Variants in RNF220 observed in about 807,000 individuals in gnomAD.
RNF220 encodes the protein E3 ubiquitin-protein ligase RNF220.
RNF220 carries 7 observed loss-of-function variants against 67.1 expected under a neutral mutation model. The observed-to-expected ratio is 0.10, with a 90% CI of 0.06 to 0.20. RNF220 has a LOEUF of 0.20. Among genes scored for constraint, RNF220 ranks in the 10% least tolerant of loss-of-function variants. RNF220 has a pLI of 1.00. For synonymous variants in RNF220, 270 were observed against 283.2 expected (o/e 0.95, Z 0.47); for missense variants, 565 against 740.3 (o/e 0.76, Z 2.75).
chr1:44,424,083 AG>A, intron 2 of RNF220: 1 of 928,956 alleles, frequency 1.1e-6, no homozygotes, highest in Non-Finnish European at 1.3e-6. Flanking sequence ...GCTGTTTGCA[AG>A]GGAATCAAAG....
intron 2 of RNF220, among the ~76,000 whole-genome samples, chr1:44,468,992 C>T (rs1476326746): frequency 2.0e-5 from 3 of 151,808 alleles, no homozygotes; most frequent in Non-Finnish European, 2.9e-5. Flanking sequence ...AAACATATTA[C>T]AACATAATAT....
chr1:44,466,086 C>G (rs1654249446), intron 2 of RNF220, among the ~76,000 whole-genome samples: 1 of 152,178 alleles, frequency 6.6e-6, no homozygotes, highest in Non-Finnish European at 1.5e-5. Context: ...AGTCAGTCCT[C>G]TCAATCTCTG....
intron 2 of RNF220, among the ~76,000 whole-genome samples, chr1:44,514,826 G>A (rs1034853794): frequency 6.6e-6 from 1 of 152,230 alleles, no homozygotes; most frequent in African/African-American, 2.4e-5. Flanking sequence ...TAGAGGTTCT[G>A]AAGTTCATGC....
Position 44,622,878 on chromosome 1 carries a change from T to C in RNF220, c.804+91T>C, listed in dbSNP as rs1181204577. ...TCCTGAGAAAAAGGAGCTTTTCTAG[T>C]ATCCTCAACTATCTCCAGCTTTTCT... On this transcript the variant is annotated intron_variant, in intron 4 of 14. Transcript: ENST00000361799. The surrounding 1 kb of genome is among the most constrained non-coding windows in gnomAD (Gnocchi z 4.3). The C allele has an allele frequency of 9.0e-6, 9 of 995,828 alleles. No individual in the cohort carries two copies. In the East Asian group the frequency reaches 1.9e-4, roughly 21 times the overall value. The allele number at this position is 995,828 out of a possible 1,614,324, so 61.7% of individuals were successfully genotyped here.
Position 44,417,853 on chromosome 1 carries a change from C to A in RNF220, c.625+5131C>A, listed in dbSNP as rs572544493. 1.3e-5 allele frequency among the ~76,000 whole-genome samples: 2 copies of A among 152,256 alleles called. No individual in the cohort carries two copies. Among genetic ancestry groups the A allele is most frequent in the South Asian group, 4.1e-4 (2 of 4,828 alleles). ...GCAAGGGACCCCCAGCCTCCGCCAC[C>A]GAGGCGGCTTGCAAGTGGTTTCAGA... On this transcript the variant is annotated intron_variant, in intron 2 of 14. Coordinates refer to ENST00000361799, the MANE Select transcript of RNF220 (RefSeq NM_018150.4). The surrounding 1 kb of genome is among the most constrained non-coding windows in gnomAD (Gnocchi z 4.0).
At chr1:44,515,340 T>C (rs1659370615) in intron 2 of RNF220, among the ~76,000 whole-genome samples, 1 of 152,122 alleles carries the variant, frequency 6.6e-6, no homozygotes, top group Non-Finnish European at 1.5e-5. Flanking sequence ...TCAACACAAT[T>C]GAGTAGATGG....
At chr1:44,510,538 T>C (rs1294295389) in intron 2 of RNF220, among the ~76,000 whole-genome samples, 1 of 152,214 alleles carries the variant, frequency 6.6e-6, no homozygotes, top group Non-Finnish European at 1.5e-5. Context: ...TTTCAGGACA[T>C]TAACATCACC....
Position 44,650,127 on chromosome 1 carries a change from C to T in RNF220, c.1629+170C>T. ...ATATTTACCCCCAGGCTCGCTGCCTCTCCTCCCCAACTGCAGGTTTAGGAA... is the reference window on the plus strand; with the variant it reads ...ATATTTACCCCCAGGCTCGCTGCCTTTCCTCCCCAACTGCAGGTTTAGGAA... On this transcript the variant is annotated intron_variant, in intron 14 of 14. Transcript: ENST00000361799. This position sits in a 1 kb window ranked among gnomAD's most constrained non-coding sequence, Gnocchi z 4.3. 1 of 675,600 alleles carries T rather than the reference C, an allele frequency of 1.5e-6. No homozygotes were observed. Among genetic ancestry groups the T allele is most frequent in the Non-Finnish European group, 2.5e-6 (1 of 404,028 alleles). The allele number at this position is 675,600 out of a possible 1,614,324, so 41.9% of individuals were successfully genotyped here.
At chr1:44,602,566 C>CT (rs1666997411) in intron 2 of RNF220, among the ~76,000 whole-genome samples, 1 of 152,106 alleles carries the variant, frequency 6.6e-6, no homozygotes, top group Non-Finnish European at 1.5e-5. Context: ...CCACTACCCT[C>CT]TGTCCACTGC....
At chr1:44,582,513 T>A (rs1327150510) in intron 2 of RNF220, among the ~76,000 whole-genome samples, 1 of 152,090 alleles carries the variant, frequency 6.6e-6, no homozygotes, top group African/African-American at 2.4e-5. Flanking sequence ...TCCCAGCACG[T>A]TGGGAGGCCG....
intron 1 of RNF220, among the ~76,000 whole-genome samples, chr1:44,408,167 C>T (rs1647582448): frequency 1.3e-5 from 2 of 152,200 alleles, no homozygotes; most frequent in South Asian, 4.1e-4. Context: ...CCCGTTTTCC[C>T]TAAAAGAGTT....
chr1:44,500,697 C>T (rs1323917071), intron 2 of RNF220, among the ~76,000 whole-genome samples: 1 of 152,230 alleles, frequency 6.6e-6, no homozygotes, highest in East Asian at 1.9e-4. Context: ...TGTCTCCATT[C>T]TCTAATAGCC....
chr1:44,414,084 GC>G lies in RNF220; in HGVS notation c.625+1363del, dbSNP rs1648283045. Among the ~76,000 whole-genome samples the G allele has an allele frequency of 2.6e-5, 4 of 152,306 alleles. No homozygotes were observed. The South Asian group carries it at 8.3e-4, about 32-fold the overall frequency. On this transcript the variant is annotated intron_variant, in intron 2 of 14. Transcript: ENST00000361799. ...CCCCACTTAAGGGAGAAGGCTGCTG[GC>G]TGACAGCACTACTGCTAGTGTTGCC... is the stretch of plus-strand genomic sequence containing the variant.
chr1:44,481,516 A>G lies in RNF220; in HGVS notation c.625+68794A>G, dbSNP rs576721399. ...ACACATAGACCCAGAGAAGGGAACA[A>G]CACGCACACAGGGCCTGTTGGGAGC... On this transcript the variant is annotated intron_variant, in intron 2 of 14. Transcript: ENST00000361799. Among the ~76,000 whole-genome samples, 4 of 152,320 alleles carry G rather than the reference A, an allele frequency of 2.6e-5. No individual in the cohort carries two copies. The South Asian group carries it at 6.2e-4, about 24-fold the overall frequency.
intron 2 of RNF220, among the ~76,000 whole-genome samples, chr1:44,567,892 C>T (rs902141679): frequency 6.6e-6 from 1 of 152,134 alleles, no homozygotes; most frequent in Non-Finnish European, 1.5e-5. Flanking sequence ...CCCCATTTCA[C>T]CCTGCAGCTC....
At chr1:44,515,750 T>C (rs773660411) in intron 2 of RNF220, among the ~76,000 whole-genome samples, 2 of 152,210 alleles carry the variant, frequency 1.3e-5, no homozygotes, top group Non-Finnish European at 2.9e-5. Context: ...CCGAGCTCTG[T>C]AGATGCTCCA....
chr1:44,418,436 C>G (rs1648831172), intron 2 of RNF220, among the ~76,000 whole-genome samples: 2 of 152,188 alleles, frequency 1.3e-5, no homozygotes, highest in African/African-American at 4.8e-5. Flanking sequence ...GGGAATGTTT[C>G]CGAAGTCCAG....
chr1:44,629,729 C>T (rs964186729), intron 5 of RNF220, among the ~76,000 whole-genome samples: 1 of 152,006 alleles, frequency 6.6e-6, no homozygotes, highest in Non-Finnish European at 1.5e-5. Flanking sequence ...TAGGATACTA[C>T]AGTAGAAGGA....
At chr1:44,446,525 T>C (rs547192886) in intron 2 of RNF220, among the ~76,000 whole-genome samples, 3 of 151,868 alleles carry the variant, frequency 2.0e-5, no homozygotes, top group African/African-American at 4.8e-5. Context: ...CTGTCTTTGC[T>C]CAAAAAGAGG....
Sources: gnomAD v4.1 joint callset for allele counts (sites outside exome capture counted in the v4.1 genomes callset) on GRCh38, gnomAD v4.1.1 for gene constraint, Gnocchi (gnomAD v3.1) non-coding constraint, MANE v1.5 for transcripts, NCBI Gene and HGNC (gene_info 2026-07-23, HGNC 2026-07-21) for gene names.